Variants in CCPG1 observed in about 807,000 individuals in gnomAD.
CCPG1 encodes cell cycle progression 1.
Under a neutral mutation model 81.3 loss-of-function variants are expected in CCPG1, and 46 were observed. That is an observed-to-expected ratio of 0.57 (90% CI 0.45 to 0.72). The LOEUF (loss-of-function observed/expected upper bound fraction) is 0.72. Ranked by LOEUF, CCPG1 falls within the 30% of genes least tolerant of loss-of-function variation. The pLI, the probability that CCPG1 is intolerant of heterozygous loss-of-function variation, is 0.00. For missense variants in CCPG1, 902 were observed against 937.6 expected, an observed-to-expected ratio of 0.96 and a Z score of 0.50; for synonymous variants, 330 against 305.2, an observed-to-expected ratio of 1.08 and a Z score of -0.85.
chr15:55,358,980 C>G, intron 8 of CCPG1: 1 of 976,272 alleles, frequency 1.0e-6, no homozygotes, highest in South Asian at 4.7e-5. Context: ...ATGAAGTACA[C>G]ACATTAGAAT....
At chr15:55,399,780 C>T (rs2057091462) in intron 1 of CCPG1, 3 of 152,200 alleles carry the variant, frequency 2.0e-5, no homozygotes, top group South Asian at 2.1e-4. Context: ...GCACAGAAAA[C>T]TTACGTTCTA....
rs562369045 is a variant in CCPG1, at chr15:55,400,913, T to G, written c.-10+7308A>C. ...TCATGAATTAATGTTCTAGCATGCC[T>G]CAAACATTTTTAAAGTATCTTTATT... On this transcript the variant is annotated intron_variant, in intron 1 of 8. Coordinates refer to ENST00000442196, the MANE Select transcript of CCPG1 (RefSeq NM_001204450.2). Among the ~76,000 whole-genome samples, 17 of 152,334 alleles carry G rather than the reference T, an allele frequency of 1.1e-4. No individual in the cohort carries two copies. The South Asian group carries it at 3.1e-3, about 28-fold the overall frequency.
In CCPG1 at chr15:55,387,798, G is replaced by A. The variant is rs145283462; in HGVS notation, c.60+1567C>T. 3.9e-3 allele frequency among the ~76,000 whole-genome samples: 557 copies of A among 143,756 alleles called. 3 individuals are homozygous for A. The highest frequency in any genetic ancestry group is 0.014 in the African/African-American group (541 of 39,446). The allele number at this position is 143,756 out of a possible 152,430, so 94.3% of individuals were successfully genotyped here. A position where few individuals can be genotyped will look rare whatever the true frequency, so the allele number is the denominator to read the frequency against. On this transcript the variant is annotated intron_variant, in intron 2 of 8. Coordinates refer to ENST00000442196, the MANE Select transcript of CCPG1 (RefSeq NM_001204450.2). ...GACCTCAGTGATCTGCCCCGACCTC[G>A]GCCTCCCAAAGTGCTGGAATTACAG...
intron 7 of CCPG1, 36 bp from the exon 8 acceptor site, chr15:55,360,980 C>T: frequency 6.8e-7 from 1 of 1,468,672 alleles, no homozygotes; most frequent in Non-Finnish European, 9.0e-7. Flanking sequence ...AATAAAATGT[C>T]AAATGCTTTA....
intron 5 of CCPG1, among the ~76,000 whole-genome samples, chr15:55,373,690 A>G (rs1483989956): frequency 1.3e-5 from 2 of 152,248 alleles, no homozygotes; most frequent in African/African-American, 4.8e-5. Context: ...TAAACAAAGC[A>G]TTACATAATA....
intron 3 of CCPG1, 28 bp downstream of exon 3, chr15:55,385,572 A>C: frequency 7.9e-7 from 1 of 1,264,762 alleles, no homozygotes; most frequent in Non-Finnish European, 1.1e-6. Flanking sequence ...CATATTAAAA[A>C]AAAAATTAGA....
At chr15:55,372,984 AT>A (rs1330238259) in intron 5 of CCPG1, 4 of 534,588 alleles carry the variant, frequency 7.5e-6, no homozygotes, top group African/African-American at 1.9e-5. Flanking sequence ...AAGGTTATTA[AT>A]TTTACCCTCT....
chr15:55,380,276 G>A (rs1191818542), intron 3 of CCPG1, among the ~76,000 whole-genome samples: 1 of 150,244 alleles, frequency 6.7e-6, no homozygotes, highest in African/African-American at 2.5e-5. Flanking sequence ...TCATGAACAT[G>A]CATTTCTTTT....
At chr15:55,385,757 C>G in intron 2 of CCPG1, 43 bp from the exon 3 acceptor site, 1 of 1,034,412 alleles carries the variant, frequency 9.7e-7, no homozygotes, top group Non-Finnish European at 1.5e-6. Flanking sequence ...CCTATTAGCT[C>G]CTCAAAGCTA....
intron 6 of CCPG1, among the ~76,000 whole-genome samples, chr15:55,371,091 C>T (rs11071183): frequency 0.23 from 35,609 of 151,882 alleles, 5,295 homozygotes; most frequent in Non-Finnish European, 0.34. Flanking sequence ...CCAGCCTGGG[C>T]GACAGAGTGG....
Position 55,359,964 on chromosome 15 carries a change from G to C in CCPG1, c.1809C>G (p.Phe603Leu), listed in dbSNP as rs1174674220. Residue 603 changes from phenylalanine (F) to leucine (L), a missense_variant, in exon 8 of 9, where the codon TTC (phenylalanine) becomes TTG (leucine). Phe to Leu is a conservative substitution (Grantham distance 22). This residue lies in a region of CCPG1 where 746 missense variants were observed against 728.6 expected (regional missense o/e 1.02). Transcript: ENST00000442196. ...ATTTCTTTGAATTTGTATTTTTTCT[G>C]AATTCTTTAAAGTGAACTGGCTTTT... ...RKEKPVHFKE[F>L]RKNTNSKKCS... The C allele has an allele frequency of 1.9e-6, 3 of 1,612,582 alleles. No individual in the cohort carries two copies. In the African/African-American group the frequency reaches 4.0e-5, roughly 22 times the overall value.
chr15:55,390,955 C>T (rs537757981), intron 1 of CCPG1, among the ~76,000 whole-genome samples: 87 of 152,196 alleles, frequency 5.7e-4, no homozygotes, highest in Non-Finnish European at 9.3e-4. Flanking sequence ...TATAACTCTA[C>T]AAATTTAAAA....
In CCPG1 at chr15:55,364,247, G is replaced by A. The variant is rs551325250; in HGVS notation, c.828+941C>T. Among the ~76,000 whole-genome samples the A allele has an allele frequency of 2.1e-3, 316 of 150,588 alleles. 21 individuals carry two copies. The highest frequency in any genetic ancestry group is 0.02 in the Admixed American group (305 of 15,048). ...GACAGAATGGACAGTACAGTCCTGT[G>A]AGACGAGATCTAGGTGAGTTATAGG... On this transcript the variant is annotated intron_variant, in intron 7 of 8. Transcript: ENST00000442196.
Position 55,365,265 on chromosome 15 carries a change from G to T in CCPG1, c.751C>A (p.His251Asn). 2 of 1,543,728 alleles carry T rather than the reference G, an allele frequency of 1.3e-6. No homozygotes were observed. Among genetic ancestry groups the T allele is most frequent in the Non-Finnish European group, 1.8e-6 (2 of 1,124,012 alleles). Reference sequence around the variant, plus strand: ...TTCATATCATTCAATTCATCTTCATGTATCTTTCTGACTAACTGTTGACGC... The same window carrying T: ...TTCATATCATTCAATTCATCTTCATTTATCTTTCTGACTAACTGTTGACGC... The part of the protein sequence containing the change: ...QKRQQLVRKI[H>N]EDELNDMKDY... Residue 251 changes from histidine to asparagine, a missense_variant, in exon 7 of 9, where the codon CAT (histidine) becomes AAT (asparagine). Around this residue, in one of 3 missense-constraint regions of CCPG1, gnomAD observed 746 missense variants for 728.6 expected, o/e 1.02. Coordinates refer to ENST00000442196, the MANE Select transcript of CCPG1 (RefSeq NM_001204450.2).
intron 1 of CCPG1, among the ~76,000 whole-genome samples, chr15:55,390,331 A>G (rs1410348142): frequency 6.6e-6 from 1 of 152,230 alleles, no homozygotes; most frequent in Non-Finnish European, 1.5e-5. Flanking sequence ...GTCACTGGCA[A>G]CAACCTGGAC....
At chr15:55,385,895 T>C (rs965975466) in intron 2 of CCPG1, among the ~76,000 whole-genome samples, 181 bp from the exon 3 acceptor site, 3 of 152,160 alleles carry the variant, frequency 2.0e-5, no homozygotes, top group Non-Finnish European at 4.4e-5. Context: ...GGCAGGAAAA[T>C]GGCACAATGG....
At chr15:55,400,554 CAAAA>C (rs1455145785) in intron 1 of CCPG1, among the ~76,000 whole-genome samples, 4 of 113,826 alleles carry the variant, frequency 3.5e-5, no homozygotes, top group Admixed American at 3.1e-4. Context: ...AACTCCATCT[CAAAA>C]AAACAAAAAC....
intron 8 of CCPG1, chr15:55,356,988 A>T: frequency 1.0e-6 from 1 of 985,530 alleles, no homozygotes; most frequent in Non-Finnish European, 1.2e-6. Flanking sequence ...CTTTTACTTG[A>T]GATGGCTTTT....
chr15:55,389,385 AAC>A lies in CCPG1; in HGVS notation c.38_39del (p.Gly13ValfsTer7). The A allele has an allele frequency of 6.2e-7, 1 of 1,610,750 alleles. No homozygotes were observed. Among genetic ancestry groups the A allele is most frequent in the Non-Finnish European group, 8.5e-7 (1 of 1,177,008 alleles). ...CATACCTCATGACTGATGACAGTCCAACCACAAGATGAATCACTGTCACTGGA... is the reference window on the plus strand; with the variant it reads ...CATACCTCATGACTGATGACAGTCCACACAAGATGAATCACTGTCACTGGA... ...ENSSDSDSSC[G>X]WTVISHEGSD... On this transcript the variant is annotated frameshift_variant, in exon 2 of 9. Transcript: ENST00000442196. LOFTEE classifies it high-confidence loss of function.
Sources: gnomAD v4.1 joint callset for allele counts (sites outside exome capture counted in the v4.1 genomes callset) on GRCh38, gnomAD v4.1.1 for gene constraint, gnomAD v4.1.1 regional missense constraint, MANE v1.5 for transcripts, NCBI Gene and HGNC (gene_info 2026-07-23, HGNC 2026-07-21) for gene names.